TMEM178B: variants seen among roughly 807,000 people sequenced by gnomAD.
TMEM178B encodes the protein transmembrane protein 178B.
In TMEM178B, 5 loss-of-function variants were observed where a neutral mutation model predicts 31.0. The ratio of observed to expected loss-of-function variants is 0.16; its 90% confidence interval spans 0.08 to 0.34. The LOEUF is 0.34. Among genes scored for constraint, TMEM178B ranks in the 10% least tolerant of loss-of-function variants. The probability of loss-of-function intolerance (pLI) is 1.00; values close to 1 mark genes in which losing one functional copy is unlikely to be tolerated. For synonymous variants in TMEM178B, 164 were observed against 164.0 expected (o/e 1.00, Z 0.00); for missense variants, 275 against 400.3 (o/e 0.69, Z 2.67).
At chr7:141,271,511 G>A (rs956473015) in intron 2 of TMEM178B, among the ~76,000 whole-genome samples, 2 of 152,180 alleles carry the variant, frequency 1.3e-5, no homozygotes, top group Non-Finnish European at 2.9e-5. Context: ...CATAGGAAGA[G>A]TCTGCTGGTA....
At chr7:141,304,215 T>C (rs1396632851) in intron 2 of TMEM178B, among the ~76,000 whole-genome samples, 2 of 152,204 alleles carry the variant, frequency 1.3e-5, no homozygotes, top group Non-Finnish European at 2.9e-5. Flanking sequence ...CCTTTTTATC[T>C]TCCCACCTGA....
chr7:141,349,477 C>A (rs572678827), intron 2 of TMEM178B, among the ~76,000 whole-genome samples: 1 of 152,104 alleles, frequency 6.6e-6, no homozygotes, highest in African/African-American at 2.4e-5. Flanking sequence ...ATTCAACATG[C>A]GTATTTTGAA....
At chr7:141,237,781 T>C (rs577604844) in intron 2 of TMEM178B, among the ~76,000 whole-genome samples, 32 of 152,116 alleles carry the variant, frequency 2.1e-4, no homozygotes, top group Non-Finnish European at 4.0e-4. Context: ...CCCAGCACTT[T>C]GGGAGGCTGA....
chr7:141,239,104 A>G (rs1797575509), intron 2 of TMEM178B, among the ~76,000 whole-genome samples: 1 of 152,126 alleles, frequency 6.6e-6, no homozygotes, highest in Non-Finnish European at 1.5e-5. Context: ...TCCTGACATC[A>G]TTGCTGGGCC....
chr7:141,178,730 A>G (rs1189158156), intron 1 of TMEM178B, among the ~76,000 whole-genome samples: 1 of 152,102 alleles, frequency 6.6e-6, no homozygotes, highest in Non-Finnish European at 1.5e-5. Flanking sequence ...GGCTTTTGAG[A>G]TCTTCTTTCT....
intron 1 of TMEM178B, among the ~76,000 whole-genome samples, chr7:141,121,707 T>C (rs1795410185): frequency 6.6e-6 from 1 of 152,194 alleles, no homozygotes; most frequent in Admixed American, 6.5e-5. Context: ...CACAAATCTC[T>C]GGGTAATGAG....
At chr7:141,294,454 T>G (rs926434459) in intron 2 of TMEM178B, among the ~76,000 whole-genome samples, 4 of 152,204 alleles carry the variant, frequency 2.6e-5, no homozygotes, top group African/African-American at 9.6e-5. Context: ...GGCTGGACTA[T>G]GTACATAAAG....
chr7:141,115,999 G>A (rs1795312006), intron 1 of TMEM178B, among the ~76,000 whole-genome samples: 1 of 152,194 alleles, frequency 6.6e-6, no homozygotes, highest in Non-Finnish European at 1.5e-5. Flanking sequence ...TTAATTTAAT[G>A]TGATGGATGA....
At position 141,185,562 on chromosome 7, in the gene TMEM178B, A is replaced by G. The variant is rs549508111; in HGVS notation, c.383-27029A>G. On this transcript the variant is annotated intron_variant, in intron 1 of 3. Transcript: ENST00000565468. ...CAGCCGCTTGTGTGTTCCTCCACCA[A>G]TGTGTTTTCTCCTATCTCCAGCTGC... Among the ~76,000 whole-genome samples the G allele has an allele frequency of 2.6e-5, 4 of 152,068 alleles. No individual in the cohort carries two copies. In the South Asian group the frequency reaches 6.2e-4, roughly 24 times the overall value.
intron 2 of TMEM178B, among the ~76,000 whole-genome samples, chr7:141,212,998 C>CAG: frequency 6.6e-6 from 1 of 152,350 alleles, no homozygotes; most frequent in African/African-American, 2.4e-5. Flanking sequence ...TGTAAGATTT[C>CAG]ACCTACCTGA....
chr7:141,492,625 A>G, the TMEM178B span, among the ~76,000 whole-genome samples: 12 of 152,314 alleles, frequency 7.9e-5, no homozygotes, highest in African/African-American at 2.6e-4. Context: ...CTCTGAAAAG[A>G]GGTGGGAACG....
chr7:141,287,654 G>A (rs1798468242), intron 2 of TMEM178B, among the ~76,000 whole-genome samples: 1 of 152,044 alleles, frequency 6.6e-6, no homozygotes, highest in African/African-American at 2.4e-5. Flanking sequence ...ACCAGATCTA[G>A]ACAAAATCTG....
intron 1 of TMEM178B, among the ~76,000 whole-genome samples, chr7:141,130,627 A>T (rs1795579275): frequency 6.6e-6 from 1 of 152,104 alleles, no homozygotes. Flanking sequence ...AACTTTTATG[A>T]ATATTTTTGT....
chr7:141,373,991 C>T (rs1800165619), intron 2 of TMEM178B, among the ~76,000 whole-genome samples: 1 of 152,118 alleles, frequency 6.6e-6, no homozygotes, highest in South Asian at 2.1e-4. Flanking sequence ...AAGGAAATGG[C>T]CATGATTTTC....
chr7:141,286,238 T>G (rs1039901251), intron 2 of TMEM178B, among the ~76,000 whole-genome samples: 9 of 152,214 alleles, frequency 5.9e-5, no homozygotes, highest in African/African-American at 2.2e-4. Flanking sequence ...TTTATACTCC[T>G]AAATTATTGA....
intron 1 of TMEM178B, among the ~76,000 whole-genome samples, chr7:141,176,359 C>A (rs1338450265): frequency 6.6e-6 from 1 of 152,174 alleles, no homozygotes; most frequent in Non-Finnish European, 1.5e-5. Context: ...ATTCGGTTTG[C>A]CAGTATTTTA....
intron 2 of TMEM178B, among the ~76,000 whole-genome samples, chr7:141,426,862 ATAAAT>A (rs1021043901): frequency 2.0e-5 from 3 of 152,172 alleles, no homozygotes; most frequent in Non-Finnish European, 4.4e-5. Flanking sequence ...ATTATAACTA[ATAAAT>A]TAAAGTTGCA....
intron 2 of TMEM178B, among the ~76,000 whole-genome samples, chr7:141,280,746 T>C (rs1485453430): frequency 6.6e-6 from 1 of 152,076 alleles, no homozygotes; most frequent in Non-Finnish European, 1.5e-5. Flanking sequence ...TTTTTCCTCC[T>C]AGCAGAGGTT....
At chr7:141,345,144 C>A (rs1015434385) in intron 2 of TMEM178B, among the ~76,000 whole-genome samples, 1 of 152,146 alleles carries the variant, frequency 6.6e-6, no homozygotes, top group Admixed American at 6.5e-5. Flanking sequence ...GCTTGGGATA[C>A]CCCCAACTCT....
Sources: gnomAD v4.1 joint callset for allele counts (sites outside exome capture counted in the v4.1 genomes callset) on GRCh38, gnomAD v4.1.1 for gene constraint, MANE v1.5 for transcripts, NCBI Gene and HGNC (gene_info 2026-07-23, HGNC 2026-07-21) for gene names.